MBNL1: variants seen among roughly 807,000 people sequenced by gnomAD.
The protein encoded by MBNL1 is muscleblind like splicing regulator 1, also known as muscleblind-like protein 1.
Under a neutral mutation model 42.2 loss-of-function variants are expected in MBNL1, and 8 were observed. The ratio of observed to expected loss-of-function variants is 0.19; its 90% CI spans 0.11 to 0.34. MBNL1 has a LOEUF of 0.34. MBNL1 is among the 10% of genes least tolerant of loss of function. The pLI, the probability that MBNL1 is intolerant of heterozygous loss-of-function variation, is 1.00. For missense variants in MBNL1, 309 were observed against 495.3 expected (o/e 0.62, Z 3.57); for synonymous variants, 169 against 173.9 (o/e 0.97, Z 0.22).
intron 1 of MBNL1, among the ~76,000 whole-genome samples, chr3:152,286,612 CTTGT>C (rs2052459408): frequency 7.1e-6 from 1 of 140,570 alleles, no homozygotes; most frequent in African/African-American, 2.6e-5. Flanking sequence ...GAATAGGTTC[CTTGT>C]TTATCTTTTT....
At chr3:152,277,099 T>C (rs1329461953) in intron 1 of MBNL1, among the ~76,000 whole-genome samples, 1 of 152,144 alleles carries the variant, frequency 6.6e-6, no homozygotes, top group Non-Finnish European at 1.5e-5. Flanking sequence ...AAAATATCAG[T>C]AAGTGAAAAA....
chr3:152,363,577 C>G (rs991751309), intron 2 of MBNL1, among the ~76,000 whole-genome samples: 9 of 152,164 alleles, frequency 5.9e-5, no homozygotes, highest in African/African-American at 2.2e-4. Flanking sequence ...TACTATCCAT[C>G]ATTTTCTTCT....
At chr3:152,296,167 T>C (rs2058460667) in intron 1 of MBNL1, among the ~76,000 whole-genome samples, 1 of 152,142 alleles carries the variant, frequency 6.6e-6, no homozygotes, top group African/African-American at 2.4e-5. Flanking sequence ...ATGGATTAAG[T>C]GCATTAGGGA....
chr3:152,310,944 A>G (rs1011447133), intron 2 of MBNL1, among the ~76,000 whole-genome samples: 3 of 145,488 alleles, frequency 2.1e-5, no homozygotes, highest in African/African-American at 7.7e-5. Context: ...AATATAATAT[A>G]TTTTAAATCA....
In MBNL1 at chr3:152,257,195, A is replaced by T. The variant is rs146669946; in HGVS notation, n.333+12755A>T. Among the ~76,000 whole-genome samples, 57 of 152,308 alleles carry T rather than the reference A, an allele frequency of 3.7e-4. No homozygotes were observed. The East Asian group carries it at 0.01, about 27-fold the overall frequency. ...AAATGCTTGAATATCTGCAATAAGT[A>T]TTAGAGAGCACTCCTGAAATATAAG... On this transcript the variant is annotated intron_variant and non_coding_transcript_variant, in intron 2 of 2. Coordinates refer to the MBNL1 transcript ENST00000477171.
chr3:152,405,666 T>G (rs1464134865), intron 2 of MBNL1, among the ~76,000 whole-genome samples: 1 of 152,182 alleles, frequency 6.6e-6, no homozygotes, highest in Admixed American at 6.6e-5. Context: ...TTAAGAAGTT[T>G]ACCTCTGTTT....
chr3:152,415,861 C>G (rs745650502), intron 3 of MBNL1, among the ~76,000 whole-genome samples: 13 of 152,114 alleles, frequency 8.5e-5, no homozygotes, highest in Non-Finnish European at 1.8e-4. Flanking sequence ...TTAATAATCT[C>G]TATTCATATT....
At chr3:152,407,550 C>G (rs1049741117) in intron 2 of MBNL1, among the ~76,000 whole-genome samples, 1 of 151,738 alleles carries the variant, frequency 6.6e-6, no homozygotes, top group African/African-American at 2.4e-5. Context: ...TAGTTTCTTG[C>G]CTTTAAAGAT....
At chr3:152,428,887 A>G (rs1455473337) in intron 3 of MBNL1, among the ~76,000 whole-genome samples, 1 of 152,232 alleles carries the variant, frequency 6.6e-6, no homozygotes, top group Non-Finnish European at 1.5e-5. Flanking sequence ...CTATAGACAC[A>G]TAATCTTTGT....
At chr3:152,371,761 TC>T (rs2096671969) in intron 2 of MBNL1, among the ~76,000 whole-genome samples, 1 of 152,210 alleles carries the variant, frequency 6.6e-6, no homozygotes, top group African/African-American at 2.4e-5. Flanking sequence ...CCTTGGTGAA[TC>T]TGATGATTAC....
intron 2 of MBNL1, among the ~76,000 whole-genome samples, chr3:152,364,785 A>G (rs2096251139): frequency 6.6e-6 from 1 of 152,100 alleles, no homozygotes; most frequent in Non-Finnish European, 1.5e-5. Context: ...TGTGAGAGAG[A>G]TTTCAAAAGA....
At chr3:152,404,257 C>T (rs1348925040) in intron 2 of MBNL1, among the ~76,000 whole-genome samples, 1 of 152,120 alleles carries the variant, frequency 6.6e-6, no homozygotes, top group Non-Finnish European at 1.5e-5. Context: ...CAAAATTTTA[C>T]ACATCTGCTA....
chr3:152,271,065 C>A (rs1470719450), intron 1 of MBNL1, among the ~76,000 whole-genome samples: 10 of 152,150 alleles, frequency 6.6e-5, no homozygotes, highest in African/African-American at 1.9e-4. Context: ...TAACTGTGAA[C>A]AAATTTGTGT....
chr3:152,291,923 C>A (rs2056225844), intron 1 of MBNL1, among the ~76,000 whole-genome samples: 1 of 152,136 alleles, frequency 6.6e-6, no homozygotes, highest in Non-Finnish European at 1.5e-5. Context: ...ACCACAAGCA[C>A]ATGCCATGCC....
intron 2 of MBNL1, chr3:152,338,005 T>G: frequency 1.2e-6 from 1 of 839,682 alleles, no homozygotes; most frequent in Middle Eastern, 6.2e-4. Flanking sequence ...TTTTTGTATT[T>G]GTAAATTAAA....
intron 4 of MBNL1, among the ~76,000 whole-genome samples, chr3:152,442,058 A>G (rs1321093703): frequency 6.6e-6 from 1 of 152,092 alleles, no homozygotes; most frequent in Non-Finnish European, 1.5e-5. Flanking sequence ...CTCCCAAAGT[A>G]CTGGGATTAC....
At chr3:152,449,743 A>C (rs1055196766) in intron 6 of MBNL1, among the ~76,000 whole-genome samples, 3 of 152,188 alleles carry the variant, frequency 2.0e-5, no homozygotes, top group Non-Finnish European at 4.4e-5. Flanking sequence ...TATGCTGAAA[A>C]TTTTAAGATA....
intron 2 of MBNL1, among the ~76,000 whole-genome samples, chr3:152,247,011 C>G (rs1159577817): frequency 6.6e-6 from 1 of 152,022 alleles, no homozygotes; most frequent in Non-Finnish European, 1.5e-5. Context: ...AATAACAGTG[C>G]TATTTGTTTT....
intron 2 of MBNL1, among the ~76,000 whole-genome samples, chr3:152,326,866 A>G (rs1336792878): frequency 1.3e-5 from 2 of 151,478 alleles, no homozygotes; most frequent in African/African-American, 2.4e-5. Flanking sequence ...GCAGTGGTGC[A>G]ATCTTGGCTC....
Sources: gnomAD v4.1 joint callset for allele counts (sites outside exome capture counted in the v4.1 genomes callset) on GRCh38, gnomAD v4.1.1 for gene constraint, MANE v1.5 for transcripts, NCBI Gene and HGNC (gene_info 2026-07-23, HGNC 2026-07-21) for gene names.